RORA: variants seen among roughly 807,000 people sequenced by gnomAD.
RORA encodes the protein RAR related orphan receptor A.
RORA carries 7 observed loss-of-function variants against 69.5 expected under a neutral mutation model. The observed-to-expected ratio is 0.10, with a 90% CI of 0.06 to 0.19. RORA has a LOEUF of 0.19. RORA is among the 10% of genes least tolerant of loss of function. RORA has a pLI of 1.00. For missense variants in RORA, 457 were observed against 663.0 expected, an observed-to-expected ratio of 0.69 and a Z score of 3.41; for synonymous variants, 261 against 240.8, an observed-to-expected ratio of 1.08 and a Z score of -0.78.
intron 1 of RORA, among the ~76,000 whole-genome samples, chr15:60,876,311 T>TGGGGGGGGGGG (rs56278031): frequency 2.9e-5 from 3 of 102,452 alleles, no homozygotes; most frequent in Middle Eastern, 5.9e-3. Context: ...TTACAGGAAG[T>TGGGGGGGGGGG]GGGGGGGGGG....
At chr15:60,790,703 C>T (rs970313502) in intron 1 of RORA, among the ~76,000 whole-genome samples, 1 of 152,196 alleles carries the variant, frequency 6.6e-6, no homozygotes, top group African/African-American at 2.4e-5. Context: ...GGGGCCAATG[C>T]TGGCTGAGTA....
At chr15:60,996,097 G>A (rs1311318614) in intron 1 of RORA, among the ~76,000 whole-genome samples, 1 of 150,370 alleles carries the variant, frequency 6.7e-6, no homozygotes, top group Non-Finnish European at 1.5e-5. Flanking sequence ...TTGAGATGGA[G>A]TCTCACTCTG....
chr15:60,796,218 G>C (rs1481695001), intron 1 of RORA, among the ~76,000 whole-genome samples: 1 of 152,124 alleles, frequency 6.6e-6, no homozygotes, highest in African/African-American at 2.4e-5. Flanking sequence ...TTCTAGCTCT[G>C]CTGGGAGACA....
At chr15:61,105,711 T>A (rs950319318) in intron 1 of RORA, among the ~76,000 whole-genome samples, 6 of 152,186 alleles carry the variant, frequency 3.9e-5, no homozygotes, top group Non-Finnish European at 5.9e-5. Context: ...GAGTCCTAGG[T>A]TCAAATTCAT....
intron 1 of RORA, among the ~76,000 whole-genome samples, chr15:60,799,103 G>A (rs148955524): frequency 6.6e-6 from 1 of 152,064 alleles, no homozygotes; most frequent in African/African-American, 2.4e-5. Context: ...CAATACCTCA[G>A]GCCTCCGTGC....
intron 1 of RORA, among the ~76,000 whole-genome samples, chr15:60,882,734 T>C (rs2073698835): frequency 6.6e-6 from 1 of 152,014 alleles, no homozygotes; most frequent in Non-Finnish European, 1.5e-5. Flanking sequence ...CTGCTGGACA[T>C]AGGATTGTAC....
intron 7 of RORA, 35 bp downstream of exon 7, chr15:60,503,500 G>A (rs1231196020): frequency 6.2e-7 from 1 of 1,611,092 alleles, no homozygotes; most frequent in Non-Finnish European, 8.5e-7. Context: ...AGCAGGTTAG[G>A]AAGAGATCTC....
intron 1 of RORA, among the ~76,000 whole-genome samples, chr15:60,842,770 G>T (rs2073216120): frequency 6.6e-6 from 1 of 151,616 alleles, no homozygotes; most frequent in South Asian, 2.1e-4. Context: ...CTGGGGCAGA[G>T]GAGCTCTAAG....
chr15:60,719,367 A>C (rs1470895237), intron 1 of RORA, among the ~76,000 whole-genome samples: 3 of 152,168 alleles, frequency 2.0e-5, no homozygotes, highest in Non-Finnish European at 4.4e-5. Context: ...GTTGATGGTC[A>C]TTGAAGCTGA....
In RORA at chr15:61,147,005, C is replaced by A. The variant is rs1453502943; in HGVS notation, c.166+82048G>T. On this transcript the variant is annotated intron_variant, in intron 1 of 10. Coordinates refer to ENST00000335670, the MANE Select transcript of RORA (RefSeq NM_134261.3). The surrounding 1 kb of genome is among the most constrained non-coding windows in gnomAD (Gnocchi z 4.1). ...CTTTCACAAGAAAACCCTCTTCAGGCTATTCATGGTGGGGGGCAGTCACGG... is the reference window on the plus strand; with the variant it reads ...CTTTCACAAGAAAACCCTCTTCAGGATATTCATGGTGGGGGGCAGTCACGG... Among the ~76,000 whole-genome samples, 1 of 151,662 alleles carries A rather than the reference C, an allele frequency of 6.6e-6. No individual in the cohort carries two copies.
At chr15:60,947,535 C>A (rs1019497194) in intron 1 of RORA, among the ~76,000 whole-genome samples, 5 of 151,880 alleles carry the variant, frequency 3.3e-5, no homozygotes, top group Non-Finnish European at 7.4e-5. Context: ...ATCTCAAGTA[C>A]CCAGGGACAC....
At chr15:60,515,941 ATATATATTTATATATTTATATT>A (rs1567050772) in intron 3 of RORA, among the ~76,000 whole-genome samples, 10 of 17,056 alleles carry the variant, frequency 5.9e-4, no homozygotes, top group African/African-American at 3.3e-3. Flanking sequence ...ATATATATTT[ATATATATTTATATATTTATATT>A]TATATATATT....
intron 1 of RORA, among the ~76,000 whole-genome samples, chr15:60,719,851 G>A (rs1007553850): frequency 1.3e-5 from 2 of 152,186 alleles, no homozygotes; most frequent in African/African-American, 4.8e-5. Context: ...TTGATTTTGG[G>A]ATGGGGGTGG....
chr15:61,204,121 T>C (rs2079918499), intron 1 of RORA, among the ~76,000 whole-genome samples: 1 of 152,110 alleles, frequency 6.6e-6, no homozygotes, highest in African/African-American at 2.4e-5. Flanking sequence ...AAAATACAGG[T>C]GCTCTAGAGG....
At chr15:60,572,140 T>G (rs777893939) in intron 2 of RORA, among the ~76,000 whole-genome samples, 3 of 152,164 alleles carry the variant, frequency 2.0e-5, no homozygotes, top group African/African-American at 2.4e-5. Flanking sequence ...TGCTTTGAAT[T>G]TGGGAGCCTT....
rs1317718079 is a variant in RORA, at chr15:61,061,984, A to G, written c.166+167069T>C. Among the ~76,000 whole-genome samples the G allele has an allele frequency of 6.6e-6, 1 of 152,128 alleles. No homozygotes were observed. The highest frequency in any genetic ancestry group is 1.5e-5 in the Non-Finnish European group (1 of 68,014). On this transcript the variant is annotated intron_variant, in intron 1 of 10. Transcript: ENST00000335670. The surrounding 1 kb of genome is among the most constrained non-coding windows in gnomAD (Gnocchi z 4.4). The stretch of plus-strand genomic sequence containing the variant: ...AGGCTGAGGCAGGAGAATCCCTTGA[A>G]CCTAGGAGACGGAGGTTGCAGTGAG...
chr15:60,832,985 A>G (rs1199428713), intron 1 of RORA, among the ~76,000 whole-genome samples: 5 of 151,792 alleles, frequency 3.3e-5, no homozygotes, highest in African/African-American at 9.7e-5. Flanking sequence ...GCTCACTGCA[A>G]GCTCCGCCTC....
In RORA at chr15:60,936,141, A is replaced by T. The variant is rs76644275; in HGVS notation, c.167-257455T>A. Among the ~76,000 whole-genome samples, 924 of 152,310 alleles carry T rather than the reference A, an allele frequency of 6.1e-3. 13 individuals are homozygous for T. The highest frequency in any genetic ancestry group is 0.021 in the African/African-American group (870 of 41,564). The stretch of plus-strand genomic sequence containing the variant: ...CTGTGCAAAGTTCCAGCAGAAAAAC[A>T]ATGATGCTAGGACCCAATCCTATCT... On this transcript the variant is annotated intron_variant, in intron 1 of 10. Transcript: ENST00000335670.
chr15:61,086,562 C>T (rs1404333664), intron 1 of RORA, among the ~76,000 whole-genome samples: 2 of 152,032 alleles, frequency 1.3e-5, no homozygotes, highest in African/African-American at 4.8e-5. Context: ...AACCACTGCA[C>T]AGGGACAAAT....
Sources: allele counts gnomAD v4.1 joint callset (sites outside exome capture counted in the v4.1 genomes callset), GRCh38; gene constraint gnomAD v4.1.1; non-coding constraint Gnocchi (gnomAD v3.1); transcripts MANE v1.5; gene names NCBI Gene and HGNC (gene_info 2026-07-23, HGNC 2026-07-21).